CAMK1D: variants seen among roughly 807,000 people sequenced by gnomAD.
The protein encoded by CAMK1D is calcium/calmodulin dependent protein kinase ID.
CAMK1D carries 9 observed loss-of-function variants against 47.7 expected under a neutral mutation model. The observed-to-expected ratio is 0.19, with a 90% CI of 0.11 to 0.33. The LOEUF is 0.33. CAMK1D is among the 10% of genes least tolerant of loss of function. The pLI, the probability that CAMK1D is intolerant of heterozygous loss-of-function variation, is 1.00. For synonymous variants in CAMK1D, 184 were observed against 184.9 expected, an observed-to-expected ratio of 0.99 and a Z score of 0.04; for missense variants, 291 against 488.7, an observed-to-expected ratio of 0.60 and a Z score of 3.81.
intron 2 of CAMK1D, among the ~76,000 whole-genome samples, chr10:12,594,138 T>C (rs1838077623): frequency 6.6e-6 from 1 of 152,216 alleles, no homozygotes; most frequent in Admixed American, 6.5e-5. Flanking sequence ...ATCGTGCCAT[T>C]GCACTCTAAT....
chr10:12,505,514 T>C lies in CAMK1D; in HGVS notation c.93-47711T>C, dbSNP rs572500740. 6.6e-5 allele frequency among the ~76,000 whole-genome samples: 10 copies of C among 152,322 alleles called. No individual in the cohort carries two copies. In the East Asian group the frequency reaches 1.9e-3, roughly 29 times the overall value. ...CACTCAGAGCCCAGGCTCTCCTTTCTGGAGGGTTCTTTCCTGGGCTGTTGG... is the reference window on the plus strand; with the variant it reads ...CACTCAGAGCCCAGGCTCTCCTTTCCGGAGGGTTCTTTCCTGGGCTGTTGG... On this transcript the variant is annotated intron_variant, in intron 1 of 10. Transcript: ENST00000619168.
At chr10:12,376,964 T>C (rs1838202358) in intron 1 of CAMK1D, among the ~76,000 whole-genome samples, 1 of 152,070 alleles carries the variant, frequency 6.6e-6, no homozygotes, top group Non-Finnish European at 1.5e-5. Flanking sequence ...TTTCACCATG[T>C]TGACCAGGCT....
intron 1 of CAMK1D, among the ~76,000 whole-genome samples, chr10:12,378,891 C>A (rs962101870): frequency 3.3e-5 from 5 of 151,286 alleles, no homozygotes; most frequent in Non-Finnish European, 7.4e-5. Flanking sequence ...CTCACTGCAA[C>A]CTTCGCCTCC....
At chr10:12,390,210 G>A (rs1003753016) in intron 1 of CAMK1D, among the ~76,000 whole-genome samples, 3 of 152,000 alleles carry the variant, frequency 2.0e-5, no homozygotes, top group African/African-American at 4.8e-5. Flanking sequence ...ACCAGTGGCC[G>A]AAGAACTATA....
intron 1 of CAMK1D, among the ~76,000 whole-genome samples, chr10:12,386,879 A>T (rs1403714946): frequency 6.6e-6 from 1 of 152,158 alleles, no homozygotes; most frequent in Non-Finnish European, 1.5e-5. Flanking sequence ...TACTTTAATA[A>T]AAAATAATAA....
intron 1 of CAMK1D, among the ~76,000 whole-genome samples, chr10:12,476,268 G>A (rs980269721): frequency 2.0e-5 from 3 of 151,800 alleles, no homozygotes; most frequent in Non-Finnish European, 4.4e-5. Flanking sequence ...CTCTAGCCTG[G>A]GCAACAGAAC....
chr10:12,658,337 G>A (rs1840177141), intron 2 of CAMK1D, among the ~76,000 whole-genome samples: 1 of 151,976 alleles, frequency 6.6e-6, no homozygotes, highest in Admixed American at 6.6e-5. Flanking sequence ...AGGGCGGGGT[G>A]TGCGAGACCT....
chr10:12,590,060 C>A (rs1340693673), intron 2 of CAMK1D, among the ~76,000 whole-genome samples: 1 of 152,174 alleles, frequency 6.6e-6, no homozygotes, highest in Non-Finnish European at 1.5e-5. Flanking sequence ...TCTCTAGAGC[C>A]TGTAGGGAGG....
chr10:12,750,172 A>G (rs979674280), intron 3 of CAMK1D, among the ~76,000 whole-genome samples: 2 of 152,150 alleles, frequency 1.3e-5, no homozygotes, highest in Non-Finnish European at 2.9e-5. Flanking sequence ...CCATGATTTA[A>G]TTGTTTTTTT....
chr10:12,389,182 G>A (rs759265345), intron 1 of CAMK1D, among the ~76,000 whole-genome samples: 2 of 104,604 alleles, frequency 1.9e-5, no homozygotes, highest in African/African-American at 2.7e-5. Flanking sequence ...CTATGCTAGG[G>A]TGGCGTGGGG....
chr10:12,724,580 A>T (rs760184671), intron 3 of CAMK1D, among the ~76,000 whole-genome samples: 2 of 152,258 alleles, frequency 1.3e-5, no homozygotes, highest in African/African-American at 2.4e-5. Context: ...CTTTAAAGAA[A>T]GCAAGTGAAT....
intron 2 of CAMK1D, among the ~76,000 whole-genome samples, chr10:12,561,045 C>T (rs1021234191): frequency 3.3e-5 from 5 of 152,038 alleles, no homozygotes; most frequent in Admixed American, 6.6e-5. Flanking sequence ...TCCCGAGTAG[C>T]TGGGACTACA....
intron 1 of CAMK1D, among the ~76,000 whole-genome samples, chr10:12,483,103 G>C (rs2768430): frequency 0.67 from 102,631 of 152,080 alleles, 35,206 homozygotes; most frequent in Non-Finnish European, 0.76. Flanking sequence ...CTGCATTGCT[G>C]TCTGGGTGGA....
intron 6 of CAMK1D, among the ~76,000 whole-genome samples, chr10:12,808,315 G>C (rs945194191): frequency 2.0e-5 from 3 of 152,224 alleles, no homozygotes; most frequent in African/African-American, 7.2e-5. Context: ...AGCTCTTGAA[G>C]GCAGAAACTG....
intron 3 of CAMK1D, among the ~76,000 whole-genome samples, chr10:12,758,498 T>G (rs1417488841): frequency 6.6e-6 from 1 of 152,150 alleles, no homozygotes; most frequent in Non-Finnish European, 1.5e-5. Flanking sequence ...TGGTGCAGTT[T>G]GAAATGTAAG....
At chr10:12,699,537 A>G (rs892480436) in intron 3 of CAMK1D, among the ~76,000 whole-genome samples, 1 of 152,036 alleles carries the variant, frequency 6.6e-6, no homozygotes, top group Non-Finnish European at 1.5e-5. Context: ...AAGTTTACTC[A>G]GCTTTAATTT....
intron 6 of CAMK1D, among the ~76,000 whole-genome samples, chr10:12,799,775 C>G (rs1016376953): frequency 5.3e-5 from 8 of 152,142 alleles, no homozygotes; most frequent in African/African-American, 1.9e-4. Flanking sequence ...ATGCTCCGGG[C>G]TTTCTCGAGG....
At chr10:12,548,285 T>C (rs1037053135) in intron 1 of CAMK1D, among the ~76,000 whole-genome samples, 107 of 152,276 alleles carry the variant, frequency 7.0e-4, no homozygotes, top group African/African-American at 2.5e-3. Context: ...ACAGTTGATA[T>C]AATTTTTTTC....
chr10:12,640,034 C>A (rs889470508), intron 2 of CAMK1D, among the ~76,000 whole-genome samples: 2 of 152,152 alleles, frequency 1.3e-5, no homozygotes, highest in Admixed American at 1.3e-4. Context: ...TCATGTTCTA[C>A]GAAGCTCCCC....
Sources: gnomAD v4.1 joint callset for allele counts (sites outside exome capture counted in the v4.1 genomes callset) on GRCh38, gnomAD v4.1.1 for gene constraint, MANE v1.5 for transcripts, NCBI Gene and HGNC (gene_info 2026-07-23, HGNC 2026-07-21) for gene names.